The following LRRK2 variants were observed in gnomAD, a reference collection of about 807,000 sequenced individuals.
The protein encoded by LRRK2 is leucine-rich repeat serine/threonine-protein kinase 2.
Under a neutral mutation model 302.6 loss-of-function variants are expected in LRRK2, and 203 were observed. The observed-to-expected ratio is 0.67, with a 90% CI of 0.60 to 0.75. The LOEUF (loss-of-function observed/expected upper bound fraction) is 0.75. Ranked by LOEUF, LRRK2 falls within the 30% of genes least tolerant of loss-of-function variation. The pLI is 0.00. For missense variants in LRRK2, 2,830 were observed against 2,951.0 expected (o/e 0.96, Z 0.95); for synonymous variants, 1,066 against 1,031.9 (o/e 1.03, Z -0.63).
chr12:40,351,553 G>T lies in LRRK2; in HGVS notation c.6396G>T (p.Leu2132Phe). ...AACTTTCTCAGGTCTTTGACATTTT[G>T]AATTCAGCTGAATTAGTCTGTCTGA... is the stretch of plus-strand genomic sequence containing the variant. The part of the protein sequence containing the change: ...RPTSAQVFDI[L>F]NSAELVCLTR... Residue 2132 changes from leucine to phenylalanine, a missense_variant, in exon 44 of 51, where the codon TTG becomes TTT. Transcript: ENST00000298910. 1 of 1,614,006 alleles carries T rather than the reference G, an allele frequency of 6.2e-7. No individual in the cohort carries two copies. Among genetic ancestry groups the T allele is most frequent in the South Asian group, 1.1e-5 (1 of 91,052 alleles).
intron 47 of LRRK2, 31 bp from the exon 48 acceptor site, chr12:40,363,371 G>A (rs901854767): frequency 1.3e-6 from 2 of 1,580,042 alleles, no homozygotes; most frequent in East Asian, 4.5e-5. Context: ...AAAACAAATA[G>A]TGATGACTTT....
Position 40,368,427 on chromosome 12 carries a change from A to G in LRRK2, c.*662A>G, listed in dbSNP as rs1946940787. 1 of 151,884 alleles carries G rather than the reference A, an allele frequency of 6.6e-6. No individual in the cohort carries two copies. The highest frequency in any genetic ancestry group is 6.6e-5 in the Admixed American group (1 of 15,190). The allele number at this position is 151,884 out of a possible 1,614,324, so 9.4% of individuals were successfully genotyped here. On this transcript the variant is annotated 3_prime_UTR_variant, in exon 51 of 51. Coordinates refer to ENST00000298910, the MANE Select transcript of LRRK2 (RefSeq NM_198578.4). ...GTCAAAGTCCTCATATCTAGGAAAG[A>G]CACAGAAACTCTCTTTGTCACAGAA... is the stretch of plus-strand genomic sequence containing the variant.
rs774956294 is a variant in LRRK2, at chr12:40,263,814, T to A, written c.1569T>A (p.Asp523Glu). 1 of 1,613,022 alleles carries A rather than the reference T, an allele frequency of 6.2e-7. No individual in the cohort carries two copies. Among genetic ancestry groups the A allele is most frequent in the Non-Finnish European group, 8.5e-7 (1 of 1,179,246 alleles). ...VPGMPEESRE[D>E]TEFHHKLNMV... is the part of the protein sequence containing the mutation. The stretch of plus-strand genomic sequence containing the variant: ...GCATGCCAGAAGAATCCAGGGAGGA[T>A]ACAGAATTTCATCATAAGCTAAATA... Residue 523 changes from aspartate (D) to glutamate (E), a missense_variant, in exon 14 of 51, where the codon GAT becomes GAA. Physicochemically the swap from Asp to Glu is conservative, Grantham distance 45. This residue lies in a region of LRRK2 where 2,121 missense variants were observed against 2,148.0 expected (regional missense o/e 0.99). Coordinates refer to ENST00000298910, the MANE Select transcript of LRRK2 (RefSeq NM_198578.4).
In LRRK2 at chr12:40,354,335, G is replaced by C. The variant is rs767045562; in HGVS notation, c.6613G>C (p.Val2205Leu). 1 of 1,614,070 alleles carries C rather than the reference G, an allele frequency of 6.2e-7. No homozygotes were observed. Among genetic ancestry groups the C allele is most frequent in the Non-Finnish European group, 8.5e-7 (1 of 1,180,006 alleles). ...ADSRILCLAL[V>L]HLPVEKESWI... ...TAGTAGAATATTGTGCTTAGCCTTG[G>C]TGCATCTTCCTGTTGAAAAGGAAAG... Residue 2205 changes from valine (V) to leucine (L), a missense_variant, in exon 45 of 51, where the codon GTG becomes CTG. Physicochemically the swap from Val to Leu is conservative, Grantham distance 32 (BLOSUM62 1). Transcript: ENST00000298910.
At position 40,351,541 on chromosome 12, in the gene LRRK2, C is replaced by G. The variant is rs145225800; in HGVS notation, c.6384C>G (p.Val2128=). ...NPQERPTSAQ[V]FDILNSAELV... The stretch of plus-strand genomic sequence containing the variant: ...TTGTTATCTTTAAACTTTCTCAGGT[C>G]TTTGACATTTTGAATTCAGCTGAAT... Residue 2128 remains valine, a splice_region_variant and synonymous_variant, in exon 44 of 51, where the codon GTC becomes GTG. Coordinates refer to ENST00000298910, the MANE Select transcript of LRRK2 (RefSeq NM_198578.4). 14 of 1,613,974 alleles carry G rather than the reference C, an allele frequency of 8.7e-6. No individual in the cohort carries two copies. Among genetic ancestry groups the G allele is most frequent in the Non-Finnish European group, 1.2e-5 (14 of 1,179,938 alleles).
In LRRK2 at chr12:40,287,350, G is replaced by A; in HGVS notation, c.2501-1G>A. 2 of 1,610,726 alleles carry A rather than the reference G, an allele frequency of 1.2e-6. No homozygotes were observed. The highest frequency in any genetic ancestry group is 1.7e-6 in the Non-Finnish European group (2 of 1,177,942). ...GTTGCTGGTGTATCTCTTATTTTCA[G>A]ATATAGCATCTACACTAGCAAGAAT... On this transcript the variant is annotated splice_acceptor_variant, in intron 19 of 50. Transcript: ENST00000298910. LOFTEE classifies it high-confidence loss of function.
At chr12:40,299,351 G>T in intron 25 of LRRK2, 94 bp downstream of exon 25, 4 of 1,365,188 alleles carry the variant, frequency 2.9e-6, no homozygotes, top group Non-Finnish European at 4.1e-6. Context: ...TTTAAAAGTG[G>T]CATTTCAGTT....
intron 37 of LRRK2, 122 bp from the exon 38 acceptor site, chr12:40,323,038 G>T: frequency 1.2e-6 from 1 of 800,286 alleles, no homozygotes; most frequent in Non-Finnish European, 2.0e-6. Flanking sequence ...TATAGGATTG[G>T]TTAGAAAGGG....
chr12:40,340,832 T>C (rs1946016433), intron 41 of LRRK2, among the ~76,000 whole-genome samples: 1 of 152,228 alleles, frequency 6.6e-6, no homozygotes, highest in Non-Finnish European at 1.5e-5. Context: ...TTCTTTTTCA[T>C]AATTCTGAAA....
intron 48 of LRRK2, 109 bp from the exon 49 acceptor site, chr12:40,364,732 TG>T: frequency 1.1e-6 from 1 of 915,582 alleles, no homozygotes; most frequent in Non-Finnish European, 1.7e-6. Context: ...TGCATAATGG[TG>T]GTGGTGTCAT....
chr12:40,243,623 C>T lies in LRRK2; in HGVS notation c.780C>T (p.Phe260=), dbSNP rs764905733. The change falls in exon 7 of 51, where the codon TTC becomes TTT. Residue 260 remains phenylalanine, a synonymous_variant. Transcript: ENST00000298910. Reference sequence around the variant, plus strand: ...TTGTGGTGGAAGCTATGAAAGCATTCCCTATGAGTGAAAGAATTCAAGAAG... The same window carrying T: ...TTGTGGTGGAAGCTATGAAAGCATTTCCTATGAGTGAAAGAATTCAAGAAG... ...YNIVVEAMKA[F]PMSERIQEVS... The T allele has an allele frequency of 6.2e-7, 1 of 1,612,144 alleles. No homozygotes were observed. Among genetic ancestry groups the T allele is most frequent in the Non-Finnish European group, 8.5e-7 (1 of 1,178,712 alleles).
chr12:40,250,262 C>A (rs530785850), intron 8 of LRRK2, among the ~76,000 whole-genome samples: 1 of 152,096 alleles, frequency 6.6e-6, no homozygotes, highest in Non-Finnish European at 1.5e-5. Context: ...GAGGCCGAGG[C>A]GGGTGGATCA....
At chr12:40,319,626 T>C (rs1055433953) in intron 33 of LRRK2, among the ~76,000 whole-genome samples, 2 of 152,108 alleles carry the variant, frequency 1.3e-5, no homozygotes, top group Admixed American at 1.3e-4. Context: ...TTGATAACTG[T>C]CTGGAAGATA....
chr12:40,271,944 T>C (rs1315748748), intron 14 of LRRK2, among the ~76,000 whole-genome samples: 1 of 152,090 alleles, frequency 6.6e-6, no homozygotes, highest in Non-Finnish European at 1.5e-5. Context: ...AGAAGCTTGT[T>C]AGATGTAGAG....
intron 22 of LRRK2, among the ~76,000 whole-genome samples, 187 bp from the exon 23 acceptor site, chr12:40,295,240 C>T (rs1944333632): frequency 6.6e-6 from 1 of 151,852 alleles, no homozygotes; most frequent in African/African-American, 2.4e-5. Flanking sequence ...CTTACACCAC[C>T]TGATTAAATG....
chr12:40,345,209 C>T (rs1001639254), intron 41 of LRRK2, among the ~76,000 whole-genome samples: 8 of 152,134 alleles, frequency 5.3e-5, no homozygotes, highest in Non-Finnish European at 1.0e-4. Flanking sequence ...ATAAAATGCA[C>T]AGATAATTTT....
intron 44 of LRRK2, among the ~76,000 whole-genome samples, chr12:40,353,603 A>G (rs1381740284): frequency 6.6e-6 from 1 of 152,118 alleles, no homozygotes; most frequent in Non-Finnish European, 1.5e-5. Context: ...AGAGGCTGCA[A>G]TCTCGGCACT....
rs780110050 is a variant in LRRK2, at chr12:40,354,444, T to G, written c.6722T>G (p.Met2241Arg). ...AAAAAGAGACATACCCTAGAAAAGA[T>G]GACTGATTCTGTCACTTGTTTGTAT... ...DGKKRHTLEKMTDSVTCLYCN... is the reference protein window; with the variant it reads ...DGKKRHTLEKRTDSVTCLYCN... The change falls in exon 45 of 51, where the codon ATG becomes AGG. Residue 2241 changes from methionine (M) to arginine (R), a missense_variant. By Grantham distance (91) the Met-to-Arg change is moderately conservative. Transcript: ENST00000298910. 2 of 1,614,178 alleles carry G rather than the reference T, an allele frequency of 1.2e-6. No homozygotes were observed. The highest frequency in any genetic ancestry group is 1.1e-5 in the South Asian group (1 of 91,082).
intron 7 of LRRK2, among the ~76,000 whole-genome samples, chr12:40,248,227 AC>A (rs1942095150): frequency 2.0e-5 from 3 of 152,212 alleles, no homozygotes; most frequent in Non-Finnish European, 4.4e-5. Flanking sequence ...TGCACATGTT[AC>A]ATTAAAATGT....
Sources: allele counts gnomAD v4.1 joint callset (sites outside exome capture counted in the v4.1 genomes callset), GRCh38; gene constraint gnomAD v4.1.1; regional missense constraint gnomAD v4.1.1; transcripts MANE v1.5; gene names NCBI Gene and HGNC (gene_info 2026-07-23, HGNC 2026-07-21).